The following TENM3 variants were observed in gnomAD, a reference collection of about 807,000 sequenced individuals.
The protein encoded by TENM3 is teneurin-3.
In TENM3, 63 loss-of-function variants were observed where a neutral mutation model predicts 255.1. That is an observed-to-expected ratio of 0.25 (90% confidence interval 0.20 to 0.30). The LOEUF (loss-of-function observed/expected upper bound fraction) is 0.30, where lower values mean the gene tolerates loss of function less well. Among genes scored for constraint, TENM3 ranks in the 10% least tolerant of loss-of-function variants. The pLI is 1.00. For missense variants in TENM3, 2,929 were observed against 3,461.1 expected (o/e 0.85, Z 3.86); for synonymous variants, 1,306 against 1,322.3 (o/e 0.99, Z 0.27).
At chr4:182,397,215 G>A (rs1418513876) in intron 3 of TENM3, among the ~76,000 whole-genome samples, 1 of 142,698 alleles carries the variant, frequency 7.0e-6, no homozygotes, top group Non-Finnish European at 1.5e-5. Flanking sequence ...AGGGAGACAA[G>A]TAAGAAGTAG....
chr4:182,786,101 T>G (rs1275684646), intron 24 of TENM3, among the ~76,000 whole-genome samples: 1 of 152,236 alleles, frequency 6.6e-6, no homozygotes, highest in Non-Finnish European at 1.5e-5. Flanking sequence ...AGGCACGGCA[T>G]CCAGTATTTG....
chr4:181,485,302 A>G, the TENM3 span, among the ~76,000 whole-genome samples: 1 of 152,286 alleles, frequency 6.6e-6, no homozygotes, highest in Admixed American at 6.5e-5. Context: ...ACTTGTCTGT[A>G]ACCTGTCAGG....
intron 2 of TENM3, among the ~76,000 whole-genome samples, chr4:182,332,458 C>T (rs777641038): frequency 1.8e-4 from 27 of 151,984 alleles, no homozygotes; most frequent in Non-Finnish European, 2.4e-4. Flanking sequence ...TTTGGGAGGC[C>T]GAGGCGGGCA....
At chr4:182,661,155 G>T (rs1754190379) in intron 6 of TENM3, among the ~76,000 whole-genome samples, 1 of 149,854 alleles carries the variant, frequency 6.7e-6, no homozygotes, top group African/African-American at 2.5e-5. Context: ...GATTTATGCT[G>T]CTTAAACAAA....
the TENM3 span, among the ~76,000 whole-genome samples, chr4:181,473,103 A>AT: frequency 6.9e-6 from 1 of 145,468 alleles, no homozygotes; most frequent in South Asian, 2.1e-4. Context: ...TTCATTAAAC[A>AT]TTTTCATTTA....
At chr4:182,083,372 CTT>C in the TENM3 span, among the ~76,000 whole-genome samples, 687 of 152,232 alleles carry the variant, frequency 4.5e-3, 2 homozygotes, top group African/African-American at 0.016. Context: ...TGGTTACTCT[CTT>C]ATATCTATCA....
At chr4:182,706,322 G>A (rs1758278658) in intron 12 of TENM3, among the ~76,000 whole-genome samples, 1 of 152,196 alleles carries the variant, frequency 6.6e-6, no homozygotes, top group African/African-American at 2.4e-5. Context: ...AATAAGGGAA[G>A]ATAATAATGT....
intron 6 of TENM3, among the ~76,000 whole-genome samples, chr4:182,665,113 T>C (rs564408409): frequency 3.9e-5 from 6 of 152,308 alleles, no homozygotes; most frequent in African/African-American, 1.2e-4. Flanking sequence ...AAGGCCTGGC[T>C]TCAAAGCTTC....
chr4:181,953,998 C>A, the TENM3 span, among the ~76,000 whole-genome samples: 1 of 152,292 alleles, frequency 6.6e-6, no homozygotes, highest in African/African-American at 2.4e-5. Flanking sequence ...CTGGAAGGCA[C>A]AACTAGCGGC....
the TENM3 span, among the ~76,000 whole-genome samples, chr4:181,956,414 C>T: frequency 3.3e-5 from 5 of 152,202 alleles, no homozygotes; most frequent in African/African-American, 1.2e-4. Flanking sequence ...GCCAACCTCT[C>T]ATGGTATGAG....
the TENM3 span, among the ~76,000 whole-genome samples, chr4:181,832,600 CCGTCTATAGATA>C: frequency 2.6e-5 from 4 of 152,186 alleles, no homozygotes; most frequent in African/African-American, 9.7e-5. Flanking sequence ...GAAGTATCTA[CCGTCTATAGATA>C]CGCTAAGAGA....
chr4:181,972,777 G>A, the TENM3 span, among the ~76,000 whole-genome samples: 2 of 152,302 alleles, frequency 1.3e-5, no homozygotes, highest in Non-Finnish European at 1.5e-5. Flanking sequence ...GACAACATGT[G>A]TTGGATTCAG....
At chr4:182,359,495 G>A (rs1436006725) in intron 3 of TENM3, among the ~76,000 whole-genome samples, 22 of 150,996 alleles carry the variant, frequency 1.5e-4, no homozygotes, top group Non-Finnish European at 2.5e-4. Flanking sequence ...AGATTTTCTA[G>A]TTTATTTGCG....
the TENM3 span, among the ~76,000 whole-genome samples, chr4:181,628,924 G>T: frequency 6.6e-6 from 1 of 152,082 alleles, no homozygotes; most frequent in Admixed American, 6.6e-5. Context: ...ATTACCTTGG[G>T]CAGTATGGCC....
chr4:182,508,220 A>ATTG (rs1737036464), intron 3 of TENM3, among the ~76,000 whole-genome samples: 1 of 152,186 alleles, frequency 6.6e-6, no homozygotes, highest in South Asian at 2.1e-4. Context: ...AGCCATCATT[A>ATTG]TTGTTGTTAT....
chr4:181,454,272 G>A, the TENM3 span, among the ~76,000 whole-genome samples: 1 of 152,006 alleles, frequency 6.6e-6, no homozygotes, highest in African/African-American at 2.4e-5. Flanking sequence ...CATCTGACTA[G>A]CACATTATCT....
the TENM3 span, among the ~76,000 whole-genome samples, chr4:182,098,048 A>G: frequency 1.3e-5 from 2 of 152,244 alleles, no homozygotes; most frequent in African/African-American, 2.4e-5. Flanking sequence ...TCTCAAAAGA[A>G]GACAAACAAA....
chr4:182,002,957 T>G, the TENM3 span, among the ~76,000 whole-genome samples: 1 of 152,072 alleles, frequency 6.6e-6, no homozygotes. Flanking sequence ...TAGTAGACCT[T>G]TATGCCAACT....
At chr4:181,601,516 A>G in the TENM3 span, among the ~76,000 whole-genome samples, 2 of 152,126 alleles carry the variant, frequency 1.3e-5, no homozygotes, top group African/African-American at 2.4e-5. Context: ...CATCCCTGGT[A>G]TCTCTATGTC....
Sources: gnomAD v4.1 joint callset for allele counts (sites outside exome capture counted in the v4.1 genomes callset) on GRCh38, gnomAD v4.1.1 for gene constraint, MANE v1.5 for transcripts, NCBI Gene and HGNC (gene_info 2026-07-23, HGNC 2026-07-21) for gene names.